The following ZNF331 variants were observed in gnomAD, a reference collection of about 807,000 sequenced individuals.
ZNF331 encodes the protein zinc finger protein 331.
A neutral mutation model predicts 7.0 loss-of-function variants in ZNF331; 2 were observed. That is an observed-to-expected ratio of 0.29 (90% confidence interval 0.12 to 0.90). The LOEUF (loss-of-function observed/expected upper bound fraction) is 0.90. Among genes scored for constraint, ZNF331 ranks in the 40% least tolerant of loss-of-function variants. The pLI, the probability that ZNF331 is intolerant of heterozygous loss-of-function variation, is 0.58. For missense variants in ZNF331, 432 were observed against 587.7 expected (o/e 0.74, Z 2.74); for synonymous variants, 196 against 205.4 (o/e 0.95, Z 0.39).
the ZNF331 span, among the ~76,000 whole-genome samples, chr19:53,509,538 A>T: frequency 1.3e-5 from 2 of 152,174 alleles, no homozygotes; most frequent in Non-Finnish European, 2.9e-5. Context: ...CTACAAGTGT[A>T]TACACAGGAA....
the ZNF331 span, among the ~76,000 whole-genome samples, chr19:53,505,541 C>G: frequency 6.6e-6 from 1 of 152,164 alleles, no homozygotes; most frequent in South Asian, 2.1e-4. Context: ...TTTAAGTCAC[C>G]AACGTACGTG....
At chr19:53,556,218 G>C (rs2089411066) in intron 3 of ZNF331, among the ~76,000 whole-genome samples, 1 of 142,168 alleles carries the variant, frequency 7.0e-6, no homozygotes. Flanking sequence ...ACTCCAGCCT[G>C]GGCAACACAG....
chr19:53,522,376 A>G (rs997417219), intron 1 of ZNF331, among the ~76,000 whole-genome samples: 5 of 151,548 alleles, frequency 3.3e-5, no homozygotes, highest in African/African-American at 1.2e-4. Context: ...AGCTGGGACC[A>G]CAGGCGCACG....
intron 2 of ZNF331, among the ~76,000 whole-genome samples, chr19:53,545,134 T>G (rs2088507491): frequency 6.6e-6 from 1 of 152,188 alleles, no homozygotes; most frequent in African/African-American, 2.4e-5. Flanking sequence ...TTATCTCAGT[T>G]TTTTAGAAAA....
intron 5 of ZNF331, among the ~76,000 whole-genome samples, chr19:53,575,038 G>A (rs561342994): frequency 6.7e-6 from 1 of 149,870 alleles, no homozygotes; most frequent in South Asian, 2.1e-4. Flanking sequence ...CCGGGCTCAA[G>A]CCATCCTCCC....
chr19:53,549,955 T>C lies in ZNF331; in HGVS notation c.-137-5890T>C, dbSNP rs548150849. 9.2e-5 allele frequency among the ~76,000 whole-genome samples: 14 copies of C among 152,346 alleles called. No individual in the cohort carries two copies. The East Asian group carries it at 2.7e-3, about 29-fold the overall frequency. ...AGGATGTTGTGTTTACATTTACGTT[T>C]GTCTCAAAATATTTTTACAGTTTCT... is the stretch of plus-strand genomic sequence containing the variant. On this transcript the variant is annotated intron_variant, in intron 2 of 5. Coordinates refer to ENST00000449416, the MANE Select transcript of ZNF331 (RefSeq NM_001079906.2).
At position 53,579,403 on chromosome 19, in the gene ZNF331, G is replaced by T. The variant is rs542573370; in HGVS notation, c.*1451G>T. On this transcript the variant is annotated 3_prime_UTR_variant, in exon 6 of 6. Coordinates refer to ENST00000449416, the MANE Select transcript of ZNF331 (RefSeq NM_001079906.2). Reference sequence around the variant, plus strand: ...ACTGGGCCAAAGGCTCACTACCCCTGTGCGTTGTCCAGCACACAGACACTA... The same window carrying T: ...ACTGGGCCAAAGGCTCACTACCCCTTTGCGTTGTCCAGCACACAGACACTA... The T allele has an allele frequency of 5.2e-6, 1 of 190,608 alleles. No individual in the cohort carries two copies. The highest frequency in any genetic ancestry group is 2.0e-4 in the South Asian group (1 of 4,992). The allele number at this position is 190,608 out of a possible 1,614,324, so 11.8% of individuals were successfully genotyped here. A position where few individuals can be genotyped will look rare whatever the true frequency, so the allele number is the denominator to read the frequency against.
At chr19:53,569,518 T>C (rs2147639775) in intron 4 of ZNF331, 133 bp downstream of exon 4, 1 of 1,018,778 alleles carries the variant, frequency 9.8e-7, no homozygotes, top group South Asian at 1.5e-5. Context: ...TCTATTCCAG[T>C]GAATGATAAT....
chr19:53,561,346 A>C (rs947320049), intron 3 of ZNF331, among the ~76,000 whole-genome samples: 4 of 151,990 alleles, frequency 2.6e-5, no homozygotes, highest in South Asian at 4.1e-4. Flanking sequence ...AAAAAAAAAA[A>C]AAAAAACAAA....
At chr19:53,556,113 G>T (rs980309749) in intron 3 of ZNF331, among the ~76,000 whole-genome samples, 1 of 151,306 alleles carries the variant, frequency 6.6e-6, no homozygotes, top group Non-Finnish European at 1.5e-5. Flanking sequence ...AGTGGTGGTG[G>T]GCGCCTGTAG....
chr19:53,526,532 C>A (rs2147245843), intron 2 of ZNF331, among the ~76,000 whole-genome samples: 1 of 151,084 alleles, frequency 6.6e-6, no homozygotes. Context: ...CTACATTATT[C>A]AATTTTTTGG....
chr19:53,577,602 A>T lies in ZNF331; in HGVS notation c.1042A>T (p.Ile348Leu), dbSNP rs754631565. The change falls in exon 6 of 6, where the codon ATA (isoleucine) becomes TTA (leucine). Residue 348 changes from isoleucine to leucine, a missense_variant. By Grantham distance (5) the Ile-to-Leu change is conservative. Transcript: ENST00000449416. ...TTCGAGCCTCGTTAAGCACGAGAGGATACATACGGGCGAGAAGCCGTACAA... is the reference window on the plus strand; with the variant it reads ...TTCGAGCCTCGTTAAGCACGAGAGGTTACATACGGGCGAGAAGCCGTACAA... The part of the protein sequence containing the change: ...WGSSLVKHER[I>L]HTGEKPYKCT... 6.2e-7 allele frequency: 1 copy of T among 1,614,134 alleles called. No individual in the cohort carries two copies. The highest frequency in any genetic ancestry group is 1.1e-5 in the South Asian group (1 of 91,070).
upstream of ZNF331, among the ~76,000 whole-genome samples, chr19:53,515,775 G>A (rs1309726308): frequency 6.6e-6 from 1 of 152,176 alleles, no homozygotes; most frequent in Non-Finnish European, 1.5e-5. Context: ...GGGATTACAG[G>A]CATGAGCCAC....
chr19:53,523,979 G>A (rs538378051), intron 2 of ZNF331, among the ~76,000 whole-genome samples: 6 of 152,238 alleles, frequency 3.9e-5, no homozygotes, highest in African/African-American at 9.6e-5. Context: ...TGATCTCATT[G>A]TTCAGTTCCC....
intron 2 of ZNF331, among the ~76,000 whole-genome samples, chr19:53,523,038 T>G (rs2087146438): frequency 6.6e-6 from 1 of 152,012 alleles, no homozygotes; most frequent in Non-Finnish European, 1.5e-5. Context: ...ATGGTTAATT[T>G]TTTAAATTTT....
the ZNF331 span, among the ~76,000 whole-genome samples, chr19:53,507,074 T>A: frequency 6.6e-6 from 1 of 152,138 alleles, no homozygotes; most frequent in African/African-American, 2.4e-5. Flanking sequence ...CCTTCTGTTT[T>A]CCGGGGCAGG....
chr19:53,514,500 CCTAA>C, the ZNF331 span, among the ~76,000 whole-genome samples: 1 of 152,104 alleles, frequency 6.6e-6, no homozygotes, highest in South Asian at 2.1e-4. Context: ...CGCGCCTAGC[CCTAA>C]CTAATATATT....
At chr19:53,562,018 C>T (rs951589545) in intron 3 of ZNF331, among the ~76,000 whole-genome samples, 15 of 151,886 alleles carry the variant, frequency 9.9e-5, no homozygotes, top group South Asian at 2.1e-4. Context: ...CGTGGTGGCG[C>T]GCGCCTGTAA....
In ZNF331 at chr19:53,544,954, G is replaced by A. The variant is rs139267218; in HGVS notation, c.-138+5672G>A. Among the ~76,000 whole-genome samples, 558 of 152,094 alleles carry A rather than the reference G, an allele frequency of 3.7e-3. 4 individuals are homozygous for A. The highest frequency in any genetic ancestry group is 0.012 in the African/African-American group (496 of 41,502). ...TCACCATGTTGGCCAGGCTGGTGTC[G>A]AATTTGTGATCTGCCTGCCTTGGCC... On this transcript the variant is annotated intron_variant, in intron 2 of 5. Transcript: ENST00000449416.
Sources: gnomAD v4.1 joint callset for allele counts (sites outside exome capture counted in the v4.1 genomes callset) on GRCh38, gnomAD v4.1.1 for gene constraint, MANE v1.5 for transcripts, NCBI Gene and HGNC (gene_info 2026-07-23, HGNC 2026-07-21) for gene names.